Variants in LMO7 observed in about 807,000 individuals in gnomAD.
LMO7 encodes LIM domain only protein 7.
In LMO7, 120 loss-of-function variants were observed where a neutral mutation model predicts 206.5. The ratio of observed to expected loss-of-function variants is 0.58; its 90% CI spans 0.50 to 0.68. The LOEUF (loss-of-function observed/expected upper bound fraction) is 0.68, where lower values mean the gene tolerates loss of function less well. Ranked by LOEUF, LMO7 falls within the 30% of genes least tolerant of loss-of-function variation. The pLI is 0.00. For missense variants in LMO7, 1,959 were observed against 1,957.9 expected, an observed-to-expected ratio of 1.00 and a Z score of -0.01; for synonymous variants, 706 against 681.5, an observed-to-expected ratio of 1.04 and a Z score of -0.56.
chr13:75,658,659 C>T (rs2038277460), intron 1 of LMO7, among the ~76,000 whole-genome samples: 1 of 152,170 alleles, frequency 6.6e-6, no homozygotes, highest in Non-Finnish European at 1.5e-5. Context: ...TCTCGGCTCA[C>T]TGCAAGCTGC....
At chr13:75,681,718 G>GTATATATATATATATATATATGTA (rs2040515680) in intron 1 of LMO7, among the ~76,000 whole-genome samples, 1 of 104,564 alleles carries the variant, frequency 9.6e-6, no homozygotes, top group African/African-American at 3.4e-5. Flanking sequence ...ATATATATAT[G>GTATATATATATATATATATATGTA]TATATATATA....
chr13:75,645,490 A>AG (rs2036929967), intron 1 of LMO7, among the ~76,000 whole-genome samples: 2 of 152,216 alleles, frequency 1.3e-5, no homozygotes, highest in Non-Finnish European at 2.9e-5. Context: ...TCTAGCCTGT[A>AG]TGACAGAGCG....
chr13:75,724,571 G>C (rs987350166), intron 2 of LMO7, among the ~76,000 whole-genome samples: 3 of 152,158 alleles, frequency 2.0e-5, no homozygotes, highest in Non-Finnish European at 2.9e-5. Context: ...TTGTAGAAGA[G>C]TATTTCCATA....
Position 75,697,409 on chromosome 13 carries a change from C to T in LMO7, c.70-15773C>T, listed in dbSNP as rs111665157. Among the ~76,000 whole-genome samples the T allele has an allele frequency of 5.7e-3, 862 of 152,256 alleles. 6 individuals carry two copies. The highest frequency in any genetic ancestry group is 0.02 in the African/African-American group (831 of 41,540). On this transcript the variant is annotated intron_variant, in intron 1 of 30. Transcript: ENST00000377534. ...AGCAAAGGGATGTCTTACATGATGG[C>T]AGGCAAGAGAGAATGAGAGCCAAAC...
At chr13:75,735,422 T>C (rs1354648364) in intron 3 of LMO7, among the ~76,000 whole-genome samples, 1 of 152,094 alleles carries the variant, frequency 6.6e-6, no homozygotes, top group African/African-American at 2.4e-5. Context: ...AAGAGGTTTG[T>C]TATTTAAGGA....
At chr13:75,735,280 G>T (rs1468132621) in intron 3 of LMO7, among the ~76,000 whole-genome samples, 1 of 151,908 alleles carries the variant, frequency 6.6e-6, no homozygotes, top group African/African-American at 2.4e-5. Flanking sequence ...GAGGAGAGGG[G>T]AGGTTTGTAG....
At chr13:75,732,032 T>A (rs1049782425) in intron 3 of LMO7, among the ~76,000 whole-genome samples, 48 of 152,158 alleles carry the variant, frequency 3.2e-4, no homozygotes, top group African/African-American at 8.0e-4. Flanking sequence ...GGGTAACCCG[T>A]CCTTTCTCTC....
intron 1 of LMO7, among the ~76,000 whole-genome samples, chr13:75,689,916 C>T (rs971194813): frequency 3.9e-5 from 6 of 152,118 alleles, no homozygotes; most frequent in African/African-American, 1.4e-4. Context: ...GTCAATACTC[C>T]TTATTAAACC....
chr13:75,859,110 C>T lies in LMO7; in HGVS notation c.*1167C>T, dbSNP rs1170184042. The T allele has an allele frequency of 6.6e-6, 1 of 152,090 alleles. No homozygotes were observed. The highest frequency in any genetic ancestry group is 1.5e-5 in the Non-Finnish European group (1 of 68,014). 9.4% of individuals were successfully genotyped at this position (152,090 alleles called of 1,614,324 possible). ...GGAGCGGGAATGCAAGGATACAAAA[C>T]TTTAGCATGCTTTGAGCAAAAATTT... On this transcript the variant is annotated 3_prime_UTR_variant, in exon 31 of 31. Transcript: ENST00000377534.
chr13:75,754,342 C>A (rs1159844940), intron 3 of LMO7, among the ~76,000 whole-genome samples: 1 of 152,174 alleles, frequency 6.6e-6, no homozygotes, highest in Non-Finnish European at 1.5e-5. Context: ...GTACTTCATT[C>A]CTTTTTATGG....
intron 3 of LMO7, among the ~76,000 whole-genome samples, chr13:75,734,106 A>G (rs1207137932): frequency 6.6e-6 from 1 of 152,224 alleles, no homozygotes; most frequent in Non-Finnish European, 1.5e-5. Context: ...AGGTTGCACA[A>G]GTCTCTGTCT....
intron 1 of LMO7, among the ~76,000 whole-genome samples, chr13:75,645,529 A>T (rs1392612696): frequency 2.6e-5 from 4 of 152,184 alleles, no homozygotes. Context: ...AAATAAATAA[A>T]TAAAATTAAA....
chr13:75,681,732 A>ATATATATATATATATATG lies in LMO7; in HGVS notation c.70-31449_70-31432dup, dbSNP rs1555293404. On this transcript the variant is annotated intron_variant, in intron 1 of 30. Transcript: ENST00000377534. ...TATATATATATGTATATATATATAT[A>ATATATATATATATATATG]TATATATATATATATATGGAATCTT... Among the ~76,000 whole-genome samples the ATATATATATATATATATG allele has an allele frequency of 1.3e-3, 181 of 135,264 alleles. 3 individuals carry two copies. The highest frequency in any genetic ancestry group is 4.7e-3 in the African/African-American group (173 of 37,128). The allele number at this position is 135,264 out of a possible 152,430, so 88.7% of individuals were successfully genotyped here.
chr13:75,823,542 T>G (rs1356307672), intron 14 of LMO7, 23 bp from the exon 15 acceptor site: 1 of 1,547,078 alleles, frequency 6.5e-7, no homozygotes, highest in Non-Finnish European at 8.9e-7. Flanking sequence ...ATATCAAGTT[T>G]AAAATGATGT....
At chr13:75,845,721 A>G (rs892703672) in intron 26 of LMO7, among the ~76,000 whole-genome samples, 1 of 152,192 alleles carries the variant, frequency 6.6e-6, no homozygotes, top group South Asian at 2.1e-4. Context: ...ATACTGGAGG[A>G]CTTAAAAATT....
At chr13:75,788,651 A>AT (rs138518976) in intron 4 of LMO7, among the ~76,000 whole-genome samples, 1,561 of 151,396 alleles carry the variant, frequency 0.01, 25 homozygotes, top group East Asian at 0.069. Context: ...TCATTTCTTG[A>AT]TTTTTTTTTA....
intron 1 of LMO7, among the ~76,000 whole-genome samples, chr13:75,688,067 TCTC>T (rs1229838029): frequency 6.6e-6 from 1 of 152,288 alleles, no homozygotes; most frequent in African/African-American, 2.4e-5. Context: ...GATGTGCCCT[TCTC>T]CTCCTTTGCC....
At chr13:75,825,390 C>T (rs1274374273) in intron 15 of LMO7, among the ~76,000 whole-genome samples, 1 of 152,074 alleles carries the variant, frequency 6.6e-6, no homozygotes, top group Admixed American at 6.6e-5. Context: ...GGTGTTGGTA[C>T]CTCCCTCAGG....
chr13:75,706,651 T>C (rs1184730441), intron 1 of LMO7, among the ~76,000 whole-genome samples: 1 of 152,136 alleles, frequency 6.6e-6, no homozygotes, highest in Non-Finnish European at 1.5e-5. Flanking sequence ...TCCAGGAAAA[T>C]TGGATGAAAA....
Sources: gnomAD v4.1 joint callset for allele counts (sites outside exome capture counted in the v4.1 genomes callset) on GRCh38, gnomAD v4.1.1 for gene constraint, MANE v1.5 for transcripts, NCBI Gene and HGNC (gene_info 2026-07-23, HGNC 2026-07-21) for gene names.